Variants in MMRN2 observed in about 807,000 individuals in gnomAD.
MMRN2 encodes multimerin-2.
A neutral mutation model predicts 68.8 loss-of-function variants in MMRN2; 53 were observed. That is an observed-to-expected ratio of 0.77 (90% CI 0.62 to 0.97). The LOEUF is 0.97. Ranked by LOEUF, MMRN2 falls within the 50% of genes least tolerant of loss-of-function variation. The probability of loss-of-function intolerance (pLI) is 0.00; values close to 1 mark genes in which losing one functional copy is unlikely to be tolerated. For synonymous variants in MMRN2, 564 were observed against 551.6 expected (o/e 1.02, Z -0.32); for missense variants, 1,266 against 1,259.5 (o/e 1.01, Z -0.08).
Position 86,942,622 on chromosome 10 carries a change from G to C in MMRN2, c.2162C>G (p.Ala721Gly), listed in dbSNP as rs963818658. 1.4e-5 allele frequency: 22 copies of C among 1,604,266 alleles called. No individual in the cohort carries two copies. Among genetic ancestry groups the C allele is most frequent in the Non-Finnish European group, 1.9e-5 (22 of 1,179,548 alleles). The part of the protein sequence containing the change: ...VGRCCEAEAG[A>G]GAASLNASLH... ...GGAGGCGTTGAGGGAGGCGGCCCCG[G>C]CCCCGGCCTCGGCCTCGCAGCACCG... The change falls in exon 6 of 7, where the codon GCC (alanine) becomes GGC (glycine). Residue 721 changes from alanine to glycine, a missense_variant. Ala to Gly is a moderately conservative substitution (Grantham distance 60). Coordinates refer to ENST00000372027, the MANE Select transcript of MMRN2 (RefSeq NM_024756.3).
intron 1 of MMRN2, among the ~76,000 whole-genome samples, chr10:86,952,016 C>T (rs891633110): frequency 4.6e-5 from 7 of 152,116 alleles, no homozygotes; most frequent in Non-Finnish European, 4.4e-5. Flanking sequence ...CCACTGCACT[C>T]GAGCCTGGGT....
chr10:86,946,190 G>A (rs948185610), intron 1 of MMRN2, among the ~76,000 whole-genome samples: 12 of 152,202 alleles, frequency 7.9e-5, no homozygotes, highest in African/African-American at 2.9e-4. Context: ...CCTGAGTGAG[G>A]CACTTAGGGA....
At chr10:86,944,531 G>T in intron 4 of MMRN2, 96 bp from the exon 5 acceptor site, 5 of 1,354,184 alleles carry the variant, frequency 3.7e-6, no homozygotes, top group Non-Finnish European at 3.1e-6. Context: ...TGAGAGCAGG[G>T]AAGTTAGCTG....
rs756877625 is a variant in MMRN2 at position 86,936,782 on chromosome 10, C to T, written c.2811G>A (p.Ser937=). The part of the protein sequence containing the change: ...TQGSITKRSL[S]GTAFGGFLMF... ...TCAGGAAGCCCCCAAATGCAGTGCC[C>T]GACAGGCTTCTCTTTGTTATTGATC... Residue 937 remains serine (S), a synonymous_variant, in exon 7 of 7, where the codon TCG becomes TCA. Transcript: ENST00000372027. 31 of 1,614,030 alleles carry T rather than the reference C, an allele frequency of 1.9e-5. No homozygotes were observed. The highest frequency in any genetic ancestry group is 6.7e-5 in the African/African-American group (5 of 74,898).
Position 86,936,179 on chromosome 10 carries a change from C to G in MMRN2, c.*564G>C, listed in dbSNP as rs1440344489. On this transcript the variant is annotated 3_prime_UTR_variant, in exon 7 of 7. Coordinates refer to ENST00000372027, the MANE Select transcript of MMRN2 (RefSeq NM_024756.3). Reference sequence around the variant, plus strand: ...CAAGGAATGACTGAAACTAAAGATACTAATTTCCTTTCCCTTGGTTGGCCA... The same window carrying G: ...CAAGGAATGACTGAAACTAAAGATAGTAATTTCCTTTCCCTTGGTTGGCCA... 5 of 377,350 alleles carry G rather than the reference C, an allele frequency of 1.3e-5. No homozygotes were observed. Among genetic ancestry groups the G allele is most frequent in the Middle Eastern group, 6.7e-4 (1 of 1,494 alleles). 23.4% of individuals were successfully genotyped at this position (377,350 alleles called of 1,614,324 possible). A position where few individuals can be genotyped will look rare whatever the true frequency, so the allele number is the denominator to read the frequency against.
At chr10:86,938,060 G>T (rs1323986949) in intron 6 of MMRN2, among the ~76,000 whole-genome samples, 1 of 152,120 alleles carries the variant, frequency 6.6e-6, no homozygotes. Context: ...TCAGCCACCT[G>T]AGTAGCTGGG....
Position 86,942,781 on chromosome 10 carries a change from G to A in MMRN2, c.2003C>T (p.Ala668Val), listed in dbSNP as rs201524576. ...CTCTGCCGGCCGCGGGGGCTCCGAG[G>A]CCTGCTCCAGGGCCGTCACTCGGGC... The part of the protein sequence containing the change: ...LAARVTALEQ[A>V]SEPPRPAEHL... The change falls in exon 6 of 7, where the codon GCC (alanine) becomes GTC (valine). Residue 668 changes from alanine to valine, a missense_variant. Ala to Val is a moderately conservative substitution (Grantham distance 64). Coordinates refer to ENST00000372027, the MANE Select transcript of MMRN2 (RefSeq NM_024756.3). 1.7e-4 allele frequency: 236 copies of A among 1,371,368 alleles called. No individual in the cohort carries two copies. In the East Asian group the frequency reaches 6.9e-3, roughly 40 times the overall value. 84.9% of individuals were successfully genotyped at this position (1,371,368 alleles called of 1,614,324 possible).
chr10:86,956,638 C>G (rs1485154812), intron 1 of MMRN2, among the ~76,000 whole-genome samples: 2 of 152,236 alleles, frequency 1.3e-5, no homozygotes, highest in Non-Finnish European at 2.9e-5. Flanking sequence ...CTCTCTGAGC[C>G]TCAGGCTCCT....
chr10:86,949,748 C>G (rs764942353), intron 1 of MMRN2: 2 of 151,516 alleles, frequency 1.3e-5, no homozygotes, highest in Non-Finnish European at 2.9e-5. Context: ...TGGTGGTGCA[C>G]GCCTGTAATC....
chr10:86,943,948 C>T lies in MMRN2; in HGVS notation c.836G>A (p.Ser279Asn). The T allele has an allele frequency of 1.2e-6, 2 of 1,614,188 alleles. No individual in the cohort carries two copies. The highest frequency in any genetic ancestry group is 2.2e-5 in the South Asian group (2 of 91,084). ...NRQAISRVQDSAVARADFQEL... is the reference protein window; with the variant it reads ...NRQAISRVQDNAVARADFQEL... The stretch of plus-strand genomic sequence containing the variant: ...CTGGAAGTCAGCCCTGGCCACGGCA[C>T]TGTCCTGGACTCTGGAGATGGCCTG... The change falls in exon 6 of 7, where the codon AGT (serine) becomes AAT (asparagine). Residue 279 changes from serine to asparagine, a missense_variant. Physicochemically the swap from Ser to Asn is conservative, Grantham distance 46 (BLOSUM62 1). Coordinates refer to ENST00000372027, the MANE Select transcript of MMRN2 (RefSeq NM_024756.3). This position sits in a 1 kb window ranked among gnomAD's most constrained non-coding sequence, Gnocchi z 4.2.
intron 4 of MMRN2, among the ~76,000 whole-genome samples, chr10:86,944,986 T>C (rs1035237351): frequency 1.3e-5 from 2 of 152,214 alleles, no homozygotes; most frequent in African/African-American, 4.8e-5. Context: ...GAAAAGGGTG[T>C]GTGTGCTTGG....
chr10:86,943,766 G>T lies in MMRN2; in HGVS notation c.1018C>A (p.Leu340Met). The T allele has an allele frequency of 6.2e-7, 1 of 1,608,336 alleles. No homozygotes were observed. ...CCTGGGGCCTCCTGAGCCTTGTGCAGCCTCTTCAATTTGGTGTCCACATCG... is the reference window on the plus strand; with the variant it reads ...CCTGGGGCCTCCTGAGCCTTGTGCATCCTCTTCAATTTGGTGTCCACATCG... ...QADVDTKLKR[L>M]HKAQEAPGTN... Residue 340 changes from leucine (L) to methionine (M), a missense_variant, in exon 6 of 7, where the codon CTG (leucine) becomes ATG (methionine). Coordinates refer to ENST00000372027, the MANE Select transcript of MMRN2 (RefSeq NM_024756.3). The surrounding 1 kb of genome is among the most constrained non-coding windows in gnomAD (Gnocchi z 4.2).
At chr10:86,956,033 C>G (rs11591493) in intron 1 of MMRN2, among the ~76,000 whole-genome samples, 7 of 151,986 alleles carry the variant, frequency 4.6e-5, no homozygotes, top group African/African-American at 1.7e-4. Context: ...CCACCGGGTC[C>G]TCTCATCCTC....
intron 1 of MMRN2, among the ~76,000 whole-genome samples, chr10:86,956,967 G>A (rs559930447): frequency 8.5e-5 from 13 of 152,332 alleles, no homozygotes; most frequent in South Asian, 2.1e-4. Context: ...TCAGAGTCAG[G>A]TCCCCAGGGA....
rs746996603 is a variant in MMRN2 at position 86,942,525 on chromosome 10, G to T, written c.2259C>A (p.Ser753Arg). The stretch of plus-strand genomic sequence containing the variant: ...TGAGCCCTTGGAAGTTCCCAAAGAG[G>T]CTGTGGAAGAGCCGCTGGTGCTGCT... ...SLEQHQRLFH[S>R]LFGNFQGLME... The change falls in exon 6 of 7, where the codon AGC (serine) becomes AGA (arginine). Residue 753 changes from serine (S) to arginine (R), a missense_variant. Ser to Arg is a moderately radical substitution (Grantham distance 110, BLOSUM62 -1). Transcript: ENST00000372027. 6.2e-7 allele frequency: 1 copy of T among 1,613,860 alleles called. No individual in the cohort carries two copies.
chr10:86,942,139 T>C (rs1751110425), intron 6 of MMRN2, among the ~76,000 whole-genome samples, 178 bp downstream of exon 6: 1 of 152,090 alleles, frequency 6.6e-6, no homozygotes, highest in African/African-American at 2.4e-5. Flanking sequence ...ATAAGCCAGG[T>C]AGCTTGAGAG....
At position 86,935,932 on chromosome 10, in the gene MMRN2, A is replaced by C; in HGVS notation, c.*811T>G. ...CAATCATGGCAGACAGTGAAGAGGAACCAAGGCATCTTCACAAGGTGGCAG... is the reference window on the plus strand; with the variant it reads ...CAATCATGGCAGACAGTGAAGAGGACCCAAGGCATCTTCACAAGGTGGCAG... On this transcript the variant is annotated 3_prime_UTR_variant, in exon 7 of 7. Coordinates refer to ENST00000372027, the MANE Select transcript of MMRN2 (RefSeq NM_024756.3). The C allele has an allele frequency of 6.6e-6, 1 of 152,588 alleles. No individual in the cohort carries two copies. The highest frequency in any genetic ancestry group is 1.5e-5 in the Non-Finnish European group (1 of 68,222). 9.5% of individuals were successfully genotyped at this position (152,588 alleles called of 1,614,324 possible).
In MMRN2 at chr10:86,942,782, C is replaced by T. The variant is rs1843994504; in HGVS notation, c.2002G>A (p.Ala668Thr). 11 of 1,371,686 alleles carry T rather than the reference C, an allele frequency of 8.0e-6. No individual in the cohort carries two copies. The highest frequency in any genetic ancestry group is 1.0e-5 in the Non-Finnish European group (11 of 1,067,908). The allele number at this position is 1,371,686 out of a possible 1,614,324, so 85.0% of individuals were successfully genotyped here. A position where few individuals can be genotyped will look rare whatever the true frequency, so the allele number is the denominator to read the frequency against. ...LAARVTALEQ[A>T]SEPPRPAEHL... ...TCTGCCGGCCGCGGGGGCTCCGAGG[C>T]CTGCTCCAGGGCCGTCACTCGGGCG... Residue 668 changes from alanine (A) to threonine (T), a missense_variant, in exon 6 of 7, where the codon GCC (alanine) becomes ACC (threonine). Transcript: ENST00000372027.
chr10:86,945,061 G>A, intron 4 of MMRN2, 127 bp downstream of exon 4: 1 of 796,458 alleles, frequency 1.3e-6, no homozygotes, highest in East Asian at 2.6e-5. Context: ...AGGCCACAGA[G>A]CAGGCCTTGC....
Sources: gnomAD v4.1 joint callset for allele counts (sites outside exome capture counted in the v4.1 genomes callset) on GRCh38, gnomAD v4.1.1 for gene constraint, Gnocchi (gnomAD v3.1) non-coding constraint, MANE v1.5 for transcripts, NCBI Gene and HGNC (gene_info 2026-07-23, HGNC 2026-07-21) for gene names.